SCHIP1: variants seen among roughly 807,000 people sequenced by gnomAD.
SCHIP1 encodes schwannomin interacting protein 1, also known as schwannomin-interacting protein 1.
A neutral mutation model predicts 29.7 loss-of-function variants in SCHIP1; 8 were observed. That is an observed-to-expected ratio of 0.27 (90% CI 0.16 to 0.49). The LOEUF (loss-of-function observed/expected upper bound fraction) is 0.49, where lower values mean the gene tolerates loss of function less well. Ranked by LOEUF, SCHIP1 falls within the 20% of genes least tolerant of loss-of-function variation. The pLI is 0.99. For missense variants in SCHIP1, 193 were observed against 294.6 expected (o/e 0.66, Z 2.52); for synonymous variants, 76 against 94.9 (o/e 0.80, Z 1.16).
At chr3:159,494,233 G>C in the SCHIP1 span, among the ~76,000 whole-genome samples, 1 of 151,920 alleles carries the variant, frequency 6.6e-6, no homozygotes, top group Non-Finnish European at 1.5e-5. Flanking sequence ...GCTAGCAGAA[G>C]GCAAGAAATA....
chr3:159,564,288 A>G, the SCHIP1 span, among the ~76,000 whole-genome samples: 1 of 152,206 alleles, frequency 6.6e-6, no homozygotes, highest in African/African-American at 2.4e-5. Flanking sequence ...AGCAAAATCC[A>G]GATCAAGAGC....
the SCHIP1 span, among the ~76,000 whole-genome samples, chr3:159,521,082 G>T: frequency 2.0e-5 from 3 of 152,162 alleles, no homozygotes; most frequent in African/African-American, 7.2e-5. Context: ...TTCTGTAAAA[G>T]TTATTCCCAT....
the SCHIP1 span, among the ~76,000 whole-genome samples, chr3:159,544,574 T>C: frequency 1.3e-5 from 2 of 152,114 alleles, no homozygotes; most frequent in African/African-American, 2.4e-5. Context: ...TAATAATATC[T>C]CATCCATTTA....
At chr3:159,846,212 T>C (rs930373925) in intron 1 of SCHIP1, among the ~76,000 whole-genome samples, 2 of 152,190 alleles carry the variant, frequency 1.3e-5, no homozygotes, top group Non-Finnish European at 1.5e-5. Context: ...AGAGGGATAA[T>C]TTTACCACCG....
the SCHIP1 span, among the ~76,000 whole-genome samples, chr3:159,549,696 T>G: frequency 9.2e-5 from 14 of 152,166 alleles, no homozygotes; most frequent in Non-Finnish European, 1.8e-4. Context: ...CCACCCAATC[T>G]ATGGTATTTT....
At chr3:159,726,507 G>T in the SCHIP1 span, among the ~76,000 whole-genome samples, 8 of 152,124 alleles carry the variant, frequency 5.3e-5, no homozygotes, top group African/African-American at 1.9e-4. Context: ...TTGCTCATCA[G>T]CTGATCATAT....
chr3:159,418,395 G>A, the SCHIP1 span, among the ~76,000 whole-genome samples: 9 of 152,118 alleles, frequency 5.9e-5, no homozygotes, highest in South Asian at 4.2e-4. Context: ...CAAAAGATGC[G>A]CATTTCAAAT....
At chr3:159,347,213 G>GGA in the SCHIP1 span, among the ~76,000 whole-genome samples, 1 of 152,178 alleles carries the variant, frequency 6.6e-6, no homozygotes, top group Non-Finnish European at 1.5e-5. Flanking sequence ...GACCACAGTA[G>GGA]GAGAAAACAA....
intron 1 of SCHIP1, among the ~76,000 whole-genome samples, chr3:159,865,353 G>T (rs1271114863): frequency 6.6e-6 from 1 of 152,158 alleles, no homozygotes; most frequent in Non-Finnish European, 1.5e-5. Context: ...GGGTTTAAAA[G>T]TTCAGCATGG....
At chr3:159,767,098 A>G in the SCHIP1 span, among the ~76,000 whole-genome samples, 3 of 152,232 alleles carry the variant, frequency 2.0e-5, no homozygotes, top group African/African-American at 4.8e-5. Context: ...GTATACAGAA[A>G]AAAGGGAGAA....
At chr3:159,355,606 A>G in the SCHIP1 span, among the ~76,000 whole-genome samples, 1 of 152,130 alleles carries the variant, frequency 6.6e-6, no homozygotes, top group Non-Finnish European at 1.5e-5. Context: ...TGGATTCAAA[A>G]TTATATTCTA....
At chr3:159,687,095 A>G in the SCHIP1 span, among the ~76,000 whole-genome samples, 2 of 152,248 alleles carry the variant, frequency 1.3e-5, no homozygotes, top group East Asian at 3.9e-4. Context: ...TCTAGAAAAC[A>G]TAGAAAATTT....
the SCHIP1 span, among the ~76,000 whole-genome samples, chr3:159,798,405 G>A: frequency 3.5e-4 from 53 of 152,212 alleles, no homozygotes; most frequent in African/African-American, 1.2e-3. Context: ...CAAAATTACT[G>A]TTAGTTATTT....
At chr3:159,851,720 C>T (rs1037278854) in intron 1 of SCHIP1, among the ~76,000 whole-genome samples, 2 of 152,182 alleles carry the variant, frequency 1.3e-5, no homozygotes, top group African/African-American at 4.8e-5. Context: ...CTGCACGGGG[C>T]ACTGGGAGCA....
chr3:159,704,689 C>G, the SCHIP1 span, among the ~76,000 whole-genome samples: 1 of 152,018 alleles, frequency 6.6e-6, no homozygotes, highest in African/African-American at 2.4e-5. Flanking sequence ...ACAAAATAAT[C>G]TCTTCAACAC....
chr3:159,849,978 A>G (rs1712364505), intron 1 of SCHIP1, among the ~76,000 whole-genome samples: 1 of 152,180 alleles, frequency 6.6e-6, no homozygotes, highest in African/African-American at 2.4e-5. Flanking sequence ...AAGATGACAA[A>G]TCCCTGTCCC....
the SCHIP1 span, among the ~76,000 whole-genome samples, chr3:159,424,482 T>A: frequency 1.3e-5 from 2 of 151,576 alleles, no homozygotes; most frequent in East Asian, 3.9e-4. Context: ...AGAAGGGAAG[T>A]TTAGAGAAAA....
chr3:159,522,149 T>C, the SCHIP1 span, among the ~76,000 whole-genome samples: 1 of 152,156 alleles, frequency 6.6e-6, no homozygotes, highest in Non-Finnish European at 1.5e-5. Context: ...GCCTGTGAAA[T>C]AGGTGTTATG....
the SCHIP1 span, among the ~76,000 whole-genome samples, chr3:159,761,003 T>TCAGG: frequency 6.6e-6 from 1 of 152,216 alleles, no homozygotes; most frequent in African/African-American, 2.4e-5. Flanking sequence ...GTACAGAGAA[T>TCAGG]CAGGCAAGCC....
Sources: gnomAD v4.1 joint callset for allele counts (sites outside exome capture counted in the v4.1 genomes callset) on GRCh38, gnomAD v4.1.1 for gene constraint, MANE v1.5 for transcripts, NCBI Gene and HGNC (gene_info 2026-07-23, HGNC 2026-07-21) for gene names.